Variants in UGGT2 observed in about 807,000 individuals in gnomAD.
UGGT2 encodes the protein UDP-glucose:glycoprotein glucosyltransferase 2.
Under a neutral mutation model 192.1 loss-of-function variants are expected in UGGT2, and 180 were observed. That is an observed-to-expected ratio of 0.94 (90% CI 0.83 to 1.06). UGGT2 has a LOEUF of 1.06. UGGT2 is among the 50% of genes least tolerant of loss of function. The probability of loss-of-function intolerance (pLI) is 0.00; values close to 1 mark genes in which losing one functional copy is unlikely to be tolerated. For missense variants in UGGT2, 1,849 were observed against 1,795.7 expected, an observed-to-expected ratio of 1.03 and a Z score of -0.54; for synonymous variants, 580 against 591.0, an observed-to-expected ratio of 0.98 and a Z score of 0.27.
At chr13:96,033,210 TG>T (rs2052891589) in intron 1 of UGGT2, among the ~76,000 whole-genome samples, 1 of 152,228 alleles carries the variant, frequency 6.6e-6, no homozygotes, top group Non-Finnish European at 1.5e-5. Flanking sequence ...ATGGCCATAC[TG>T]CCCAAAGTAA....
chr13:95,947,250 G>A, intron 14 of UGGT2, 78 bp from the exon 15 acceptor site: 1 of 1,325,070 alleles, frequency 7.5e-7, no homozygotes, highest in Admixed American at 2.5e-5. Context: ...AACGTTATTA[G>A]ACTACAATAT....
At chr13:96,008,677 G>A (rs1390474579) in intron 5 of UGGT2, among the ~76,000 whole-genome samples, 2 of 152,156 alleles carry the variant, frequency 1.3e-5, no homozygotes, top group African/African-American at 4.8e-5. Flanking sequence ...CTAGGGAGGT[G>A]AATCTCTACA....
At chr13:96,007,460 G>C (rs1478273896) in intron 5 of UGGT2, among the ~76,000 whole-genome samples, 1 of 151,888 alleles carries the variant, frequency 6.6e-6, no homozygotes, top group Non-Finnish European at 1.5e-5. Context: ...AGAGTAATAA[G>C]GCAAGAGAAA....
chr13:95,828,721 GT>G (rs1311472436), intron 38 of UGGT2, among the ~76,000 whole-genome samples: 15 of 152,216 alleles, frequency 9.9e-5, no homozygotes, highest in South Asian at 6.2e-4. Context: ...CGGATTCACA[GT>G]CCTATTCTAC....
intron 38 of UGGT2, among the ~76,000 whole-genome samples, chr13:95,809,075 T>C (rs1884457059): frequency 6.6e-6 from 1 of 152,224 alleles, no homozygotes; most frequent in Non-Finnish European, 1.5e-5. Context: ...TATAATTCAA[T>C]ATCTCACACT....
intron 4 of UGGT2, among the ~76,000 whole-genome samples, chr13:96,016,842 T>C (rs1004457945): frequency 5.3e-5 from 8 of 152,174 alleles, no homozygotes. Context: ...TTGCACCTTG[T>C]GCCTGGAAAA....
At chr13:95,960,066 AG>A (rs2050339645) in intron 12 of UGGT2, among the ~76,000 whole-genome samples, 1 of 152,224 alleles carries the variant, frequency 6.6e-6, no homozygotes, top group Admixed American at 6.5e-5. Flanking sequence ...AATGCCAAAA[AG>A]TGTACTATGC....
chr13:95,867,363 GA>G lies in UGGT2; in HGVS notation c.3533del (p.Phe1178SerfsTer8). The G allele has an allele frequency of 6.2e-7, 1 of 1,608,274 alleles. No homozygotes were observed. Among genetic ancestry groups the G allele is most frequent in the Non-Finnish European group, 8.5e-7 (1 of 1,177,834 alleles). On this transcript the variant is annotated frameshift_variant, in exon 30 of 39. Transcript: ENST00000376747. LOFTEE classifies it high-confidence loss of function. ...CTTTTACTTTGAGTATCTTGCTTTT[GA>G]AGCTGTTTAATACAACAATGATATC... ...LEDIIVVLNS[F>X]KSKILKVKVK...
chr13:95,892,609 T>C (rs1009451203), intron 24 of UGGT2, among the ~76,000 whole-genome samples: 23 of 152,142 alleles, frequency 1.5e-4, no homozygotes, highest in African/African-American at 5.3e-4. Context: ...AAACTCTGAG[T>C]TGAATTTTGT....
chr13:95,910,272 C>T (rs1194046727), intron 20 of UGGT2, among the ~76,000 whole-genome samples: 2 of 152,048 alleles, frequency 1.3e-5, no homozygotes, highest in African/African-American at 4.8e-5. Context: ...GGGCTAAAAG[C>T]CCCAATTAAA....
intron 20 of UGGT2, among the ~76,000 whole-genome samples, chr13:95,915,025 G>C (rs1470319911): frequency 6.6e-6 from 1 of 152,138 alleles, no homozygotes; most frequent in Non-Finnish European, 1.5e-5. Flanking sequence ...TTAGAAGCCT[G>C]ATATTATCTG....
intron 12 of UGGT2, among the ~76,000 whole-genome samples, chr13:95,969,280 C>G (rs573692043): frequency 1.3e-5 from 2 of 152,294 alleles, no homozygotes; most frequent in South Asian, 4.2e-4. Flanking sequence ...AAGCTTATAC[C>G]TGGTTTACTC....
At chr13:95,977,304 T>C (rs1364513018) in intron 10 of UGGT2, among the ~76,000 whole-genome samples, 1 of 152,212 alleles carries the variant, frequency 6.6e-6, no homozygotes, top group Non-Finnish European at 1.5e-5. Context: ...TCTACCCATC[T>C]GACAAAGGTC....
chr13:95,853,012 A>G (rs1889202835), intron 36 of UGGT2, among the ~76,000 whole-genome samples: 1 of 152,182 alleles, frequency 6.6e-6, no homozygotes, highest in Non-Finnish European at 1.5e-5. Flanking sequence ...TAATTGACTC[A>G]TGGGGGTGGT....
At chr13:95,815,285 C>CCTT (rs1202857113) in intron 38 of UGGT2, among the ~76,000 whole-genome samples, 1 of 152,104 alleles carries the variant, frequency 6.6e-6, no homozygotes, top group Non-Finnish European at 1.5e-5. Flanking sequence ...TTTTTATTTG[C>CCTT]TGAAGATATG....
chr13:95,991,879 A>C lies in UGGT2; in HGVS notation c.831-1806T>G, dbSNP rs537778588. Among the ~76,000 whole-genome samples, 52 of 152,284 alleles carry C rather than the reference A, an allele frequency of 3.4e-4. No homozygotes were observed. In the Middle Eastern group the frequency reaches 0.01, roughly 30 times the overall value. ...AGTCACTGAGTCACTGTGGAAGACT[A>C]ATTTTGAGTATTCCCTTTTAAAAAT... On this transcript the variant is annotated intron_variant, in intron 7 of 38. Coordinates refer to ENST00000376747, the MANE Select transcript of UGGT2 (RefSeq NM_020121.4).
intron 38 of UGGT2, among the ~76,000 whole-genome samples, chr13:95,810,275 T>C (rs7335888): frequency 0.057 from 8,645 of 152,294 alleles, 381 homozygotes; most frequent in East Asian, 0.2. Flanking sequence ...GAACTGCTCA[T>C]GTGGAGATGA....
At chr13:96,035,483 A>T (rs1416488192) in intron 1 of UGGT2, among the ~76,000 whole-genome samples, 1 of 152,236 alleles carries the variant, frequency 6.6e-6, no homozygotes, top group Non-Finnish European at 1.5e-5. Flanking sequence ...AAGCAATACA[A>T]TTCAGGACAT....
At chr13:95,934,589 A>G (rs1404064056) in intron 17 of UGGT2, among the ~76,000 whole-genome samples, 3 of 152,164 alleles carry the variant, frequency 2.0e-5, no homozygotes, top group African/African-American at 7.2e-5. Flanking sequence ...AAGTTGGATA[A>G]AAAACAAGAC....
Sources: allele counts gnomAD v4.1 joint callset (sites outside exome capture counted in the v4.1 genomes callset), GRCh38; gene constraint gnomAD v4.1.1; transcripts MANE v1.5; gene names NCBI Gene and HGNC (gene_info 2026-07-23, HGNC 2026-07-21).